TRMT9B: variants seen among roughly 807,000 people sequenced by gnomAD.
TRMT9B encodes probable tRNA methyltransferase 9B.
TRMT9B carries 16 observed loss-of-function variants against 11.5 expected under a neutral mutation model. The observed-to-expected ratio is 1.39, with a 90% confidence interval of 0.94 to 2.11. The LOEUF (loss-of-function observed/expected upper bound fraction) is 2.11, where lower values mean the gene tolerates loss of function less well. Among genes scored for constraint, TRMT9B ranks in the 30% most tolerant of loss-of-function variants. TRMT9B has a pLI of 0.00. For missense variants in TRMT9B, 941 were observed against 553.8 expected, an observed-to-expected ratio of 1.70 and a Z score of -7.02; for synonymous variants, 274 against 192.4, an observed-to-expected ratio of 1.42 and a Z score of -3.51.
At chr8:12,996,137 T>C (rs752001388) in intron 2 of TRMT9B, among the ~76,000 whole-genome samples, 11 of 152,224 alleles carry the variant, frequency 7.2e-5, no homozygotes, top group Non-Finnish European at 1.3e-4. Context: ...CATCTATTTA[T>C]TGAGATCAGT....
At position 13,025,827 on chromosome 8, in the gene TRMT9B, C is replaced by G. The variant is rs546271096; in HGVS notation, c.*3783C>G. 2 of 166,886 alleles carry G rather than the reference C, an allele frequency of 1.2e-5. No individual in the cohort carries two copies. The highest frequency in any genetic ancestry group is 2.4e-5 in the African/African-American group (1 of 41,448). The allele number at this position is 166,886 out of a possible 1,614,324, so 10.3% of individuals were successfully genotyped here. On this transcript the variant is annotated 3_prime_UTR_variant, in exon 5 of 5. Coordinates refer to ENST00000524591, the MANE Select transcript of TRMT9B (RefSeq NM_020844.3). ...GTGCTAATTCTTATTTCTCGTTTGC[C>G]TTTCTATTTCCTTCCAAATTCTACA...
intron 1 of TRMT9B, among the ~76,000 whole-genome samples, chr8:12,966,530 G>T (rs1182016200): frequency 1.3e-5 from 2 of 152,190 alleles, no homozygotes; most frequent in Non-Finnish European, 2.9e-5. Context: ...TATTTAGATA[G>T]ACATAAAAGC....
In TRMT9B at chr8:13,012,866, GCCA is replaced by G. The variant is rs766164123; in HGVS notation, c.328+10_328+12del. 6 of 1,612,732 alleles carry G rather than the reference GCCA, an allele frequency of 3.7e-6. No homozygotes were observed. In the African/African-American group the frequency reaches 8.0e-5, roughly 21 times the overall value. Reference sequence around the variant, plus strand: ...CATCATCTCCATAGGAGGTAAGGCAGCCAGATCACACATTCACCCTTTGCCATG... The same window carrying G: ...CATCATCTCCATAGGAGGTAAGGCAGGATCACACATTCACCCTTTGCCATG... On this transcript the variant is annotated intron_variant, in intron 4 of 4. Transcript: ENST00000524591.
At chr8:13,004,831 G>A (rs188457358) in intron 2 of TRMT9B, among the ~76,000 whole-genome samples, 14 of 152,094 alleles carry the variant, frequency 9.2e-5, no homozygotes, top group Middle Eastern at 3.4e-3. Flanking sequence ...GTACCAGCTC[G>A]GCCACAGTGG....
At chr8:12,978,817 T>C (rs1804879990) in intron 1 of TRMT9B, among the ~76,000 whole-genome samples, 1 of 152,232 alleles carries the variant, frequency 6.6e-6, no homozygotes, top group Non-Finnish European at 1.5e-5. Context: ...GGTTGGCACG[T>C]GGAGTCCAGA....
At chr8:12,989,028 A>G (rs187837699) in intron 1 of TRMT9B, among the ~76,000 whole-genome samples, 2 of 152,236 alleles carry the variant, frequency 1.3e-5, no homozygotes, top group African/African-American at 4.8e-5. Context: ...CCAGAGATTC[A>G]GTTAATATTT....
intron 1 of TRMT9B, 117 bp downstream of exon 1, chr8:12,946,083 G>C (rs536524807): frequency 6.6e-6 from 1 of 152,250 alleles, no homozygotes; most frequent in South Asian, 2.1e-4. Context: ...TATCTGTTTT[G>C]CTCCCCATTG....
chr8:12,998,277 T>A (rs1326065505), intron 2 of TRMT9B, among the ~76,000 whole-genome samples: 1 of 152,240 alleles, frequency 6.6e-6, no homozygotes, highest in African/African-American at 2.4e-5. Context: ...TGACCCTTTG[T>A]AAGAAATTTT....
intron 3 of TRMT9B, chr8:13,006,797 T>G: frequency 2.5e-6 from 1 of 401,690 alleles, no homozygotes; most frequent in Admixed American, 4.9e-5. Context: ...GACTCCCAAA[T>G]AGCTATGATT....
chr8:12,970,106 C>A (rs1357529901), intron 1 of TRMT9B: 1 of 152,174 alleles, frequency 6.6e-6, no homozygotes, highest in Non-Finnish European at 1.5e-5. Context: ...TAAACTTTAG[C>A]CCCTCACCTG....
chr8:13,004,775 A>G (rs1448489325), intron 2 of TRMT9B, among the ~76,000 whole-genome samples: 1 of 152,114 alleles, frequency 6.6e-6, no homozygotes, highest in Non-Finnish European at 1.5e-5. Context: ...CTCCTGCTTA[A>G]GAAAAGTGGA....
chr8:13,020,670 T>TA (rs974449736), intron 4 of TRMT9B, among the ~76,000 whole-genome samples: 19 of 152,202 alleles, frequency 1.2e-4, no homozygotes, highest in African/African-American at 3.4e-4. Context: ...TCCTTCTGGT[T>TA]AAAAAAAATC....
chr8:12,967,637 A>G (rs1803005684), intron 1 of TRMT9B, among the ~76,000 whole-genome samples: 1 of 152,244 alleles, frequency 6.6e-6, no homozygotes, highest in Admixed American at 6.5e-5. Flanking sequence ...AACAATGGCA[A>G]AGCCTCCTGA....
chr8:12,997,611 T>C (rs1342002001), intron 2 of TRMT9B, among the ~76,000 whole-genome samples: 1 of 152,254 alleles, frequency 6.6e-6, no homozygotes, highest in East Asian at 1.9e-4. Context: ...ATTCTATGAA[T>C]ATACCACAAT....
intron 1 of TRMT9B, among the ~76,000 whole-genome samples, chr8:12,947,140 C>T (rs922300616): frequency 6.6e-6 from 1 of 152,162 alleles, no homozygotes. Flanking sequence ...CTGACTGGGT[C>T]ACTGTGGGGA....
intron 1 of TRMT9B, among the ~76,000 whole-genome samples, chr8:12,954,563 C>A (rs1200731518): frequency 6.6e-6 from 1 of 152,160 alleles, no homozygotes; most frequent in Non-Finnish European, 1.5e-5. Flanking sequence ...ATTAGGCTGT[C>A]AGCGCTTGTC....
intron 3 of TRMT9B, chr8:13,012,442 G>T: frequency 2.2e-6 from 1 of 463,270 alleles, no homozygotes; most frequent in Non-Finnish European, 3.1e-6. Context: ...GGTCATGGTG[G>T]CACGCGCCTA....
intron 1 of TRMT9B, among the ~76,000 whole-genome samples, chr8:12,986,849 A>G (rs922835725): frequency 2.6e-5 from 4 of 152,176 alleles, no homozygotes; most frequent in South Asian, 2.1e-4. Flanking sequence ...AGCATTATTA[A>G]TATCATTCTT....
At chr8:12,989,315 T>G (rs147408280) in intron 1 of TRMT9B, among the ~76,000 whole-genome samples, 165 of 152,352 alleles carry the variant, frequency 1.1e-3, no homozygotes, top group African/African-American at 3.7e-3. Context: ...TTTAGATATA[T>G]ACGACCCCAT....
Sources: gnomAD v4.1 joint callset for allele counts (sites outside exome capture counted in the v4.1 genomes callset) on GRCh38, gnomAD v4.1.1 for gene constraint, MANE v1.5 for transcripts, NCBI Gene and HGNC (gene_info 2026-07-23, HGNC 2026-07-21) for gene names.